Variants in TMPRSS3 observed in about 807,000 individuals in gnomAD.
The protein encoded by TMPRSS3 is transmembrane protease serine 3.
A neutral mutation model predicts 59.6 loss-of-function variants in TMPRSS3; 55 were observed. The ratio of observed to expected loss-of-function variants is 0.92; its 90% CI spans 0.74 to 1.16. TMPRSS3 has a LOEUF of 1.16. TMPRSS3 is among the 50% of genes most tolerant of loss of function. TMPRSS3 has a pLI of 0.00. For missense variants in TMPRSS3, 596 were observed against 579.4 expected (o/e 1.03, Z -0.29); for synonymous variants, 257 against 237.7 (o/e 1.08, Z -0.75).
chr21:42,388,590 G>A lies in TMPRSS3; in HGVS notation c.323-64C>T. On this transcript the variant is annotated intron_variant, in intron 4 of 12. Coordinates refer to ENST00000644384, the MANE Select transcript of TMPRSS3 (RefSeq NM_001256317.3). The surrounding 1 kb of genome is among the most constrained non-coding windows in gnomAD (Gnocchi z 5.1). ...GTGGAACCCTGAGACCATAGGCAGGGGTTTCTCCACAGCCAGCTCAAACCC... is the reference window on the plus strand; with the variant it reads ...GTGGAACCCTGAGACCATAGGCAGGAGTTTCTCCACAGCCAGCTCAAACCC... The A allele has an allele frequency of 1.2e-6, 2 of 1,612,356 alleles. No individual in the cohort carries two copies. Among genetic ancestry groups the A allele is most frequent in the Admixed American group, 3.3e-5 (2 of 60,000 alleles).
rs909862138 is a variant in TMPRSS3, at chr21:42,372,213, G to A, written c.*549C>T. 1.1e-5 allele frequency: 5 copies of A among 444,702 alleles called. No individual in the cohort carries two copies. The highest frequency in any genetic ancestry group is 2.0e-5 in the African/African-American group (1 of 49,612). The allele number at this position is 444,702 out of a possible 1,614,324, so 27.5% of individuals were successfully genotyped here. A position where few individuals can be genotyped will look rare whatever the true frequency, so the allele number is the denominator to read the frequency against. On this transcript the variant is annotated 3_prime_UTR_variant, in exon 13 of 13. Coordinates refer to ENST00000644384, the MANE Select transcript of TMPRSS3 (RefSeq NM_001256317.3). ...TGGAGAGAAAACCAGATGGACCAGT[G>A]GGAAAGGCCGCCCTTGCAAGTTGCT...
chr21:42,378,203 G>A (rs944596839), intron 10 of TMPRSS3, among the ~76,000 whole-genome samples: 2 of 152,272 alleles, frequency 1.3e-5, no homozygotes, highest in African/African-American at 4.8e-5. Flanking sequence ...CCCTCGGCCA[G>A]GTGGGCAGCA....
At chr21:42,390,083 T>C (rs767196585) in intron 2 of TMPRSS3, 46 bp from the exon 3 acceptor site, 1 of 1,374,780 alleles carries the variant, frequency 7.3e-7, no homozygotes, top group Non-Finnish European at 1.0e-6. Flanking sequence ...GAACCTGACT[T>C]GGAGTGCCAT....
chr21:42,388,411 AC>A lies in TMPRSS3; in HGVS notation c.437del (p.Gly146ValfsTer6). ...HYANVACAQLGFPSYVSSDNL... is the reference protein window; with the variant it reads ...HYANVACAQLXFPSYVSSDNL... The stretch of plus-strand genomic sequence containing the variant: ...AATGCTCTTTAACTTACCTTGGGAA[AC>A]CCAGTTGGGCACAGGCAACATTTGC... On this transcript the variant is annotated frameshift_variant, in exon 5 of 13. Coordinates refer to ENST00000644384, the MANE Select transcript of TMPRSS3 (RefSeq NM_001256317.3). LOFTEE classifies it high-confidence loss of function. This position sits in a 1 kb window ranked among gnomAD's most constrained non-coding sequence, Gnocchi z 5.1. 1.2e-6 allele frequency: 2 copies of A among 1,614,188 alleles called. No individual in the cohort carries two copies. The highest frequency in any genetic ancestry group is 4.5e-5 in the East Asian group (2 of 44,880).
chr21:42,383,114 A>G lies in TMPRSS3; in HGVS notation c.701T>C (p.Leu234Pro), dbSNP rs976762456. 4 of 1,614,074 alleles carry G rather than the reference A, an allele frequency of 2.5e-6. No homozygotes were observed. The African/African-American group carries it at 4.0e-5, about 16-fold the overall frequency. The change falls in exon 8 of 13, where the codon CTT becomes CCT. Residue 234 changes from leucine (L) to proline (P), a missense_variant. Physicochemically the swap from Leu to Pro is moderately conservative, Grantham distance 98. Coordinates refer to ENST00000644384, the MANE Select transcript of TMPRSS3 (RefSeq NM_001256317.3). ...GCACAGGTGGTAGCCCTGGAACTGA[A>G]GGCTGGCCTGCCAGGGCCACTGCGA... ...LLSQWPWQAS[L>P]QFQGYHLCGG...
chr21:42,383,963 C>T lies in TMPRSS3; in HGVS notation c.616+7G>A. 8 of 1,614,068 alleles carry T rather than the reference C, an allele frequency of 5.0e-6. No homozygotes were observed. In the South Asian group the frequency reaches 8.8e-5, roughly 18 times the overall value. On this transcript the variant is annotated splice_region_variant and intron_variant, in intron 7 of 12. Coordinates refer to ENST00000644384, the MANE Select transcript of TMPRSS3 (RefSeq NM_001256317.3). ...CCCCTGGACCCCTGCCTTTCTGGAA[C>T]TCTTACCTGTGCACTGCAAGGTAAC...
chr21:42,394,066 G>A (rs531298665), intron 2 of TMPRSS3, among the ~76,000 whole-genome samples: 20 of 152,184 alleles, frequency 1.3e-4, no homozygotes, highest in Admixed American at 5.9e-4. Flanking sequence ...TGATGCCGTC[G>A]TGGGTAATTT....
chr21:42,388,372 GC>G lies in TMPRSS3; in HGVS notation c.446+30del. On this transcript the variant is annotated intron_variant, in intron 5 of 12. Coordinates refer to ENST00000644384, the MANE Select transcript of TMPRSS3 (RefSeq NM_001256317.3). The surrounding 1 kb of genome is among the most constrained non-coding windows in gnomAD (Gnocchi z 5.1). ...TTTATTGTTATCCTCTCTGTGTTTT[GC>G]CCATGGGTTGGAAATGCTCTTTAAC... The G allele has an allele frequency of 6.2e-7, 1 of 1,614,144 alleles. No homozygotes were observed. Among genetic ancestry groups the G allele is most frequent in the Non-Finnish European group, 8.5e-7 (1 of 1,179,998 alleles).
Position 42,375,757 on chromosome 21 carries a change from G to C in TMPRSS3, c.1303C>G (p.Arg435Gly), listed in dbSNP as rs565348874. ...AEVNKPGVYT[R>G]VTSFLDWIHE... ...ATCCAGTCCAGGAAGGAGGTGACAC[G>C]GGTGTACACCCCAGGCTTGTTCACC... Residue 435 changes from arginine (R) to glycine (G), a missense_variant, in exon 12 of 13, where the codon CGT (arginine) becomes GGT (glycine). By Grantham distance (125) the Arg-to-Gly change is moderately radical. Coordinates refer to ENST00000644384, the MANE Select transcript of TMPRSS3 (RefSeq NM_001256317.3). 6 of 1,613,612 alleles carry C rather than the reference G, an allele frequency of 3.7e-6. No homozygotes were observed. The highest frequency in any genetic ancestry group is 1.7e-5 in the Admixed American group (1 of 59,998).
chr21:42,391,068 G>A (rs1412452857), intron 2 of TMPRSS3, among the ~76,000 whole-genome samples: 1 of 152,186 alleles, frequency 6.6e-6, no homozygotes, highest in African/African-American at 2.4e-5. Flanking sequence ...ACACTAAGAT[G>A]GAGGGGAAGT....
chr21:42,375,526 T>G (rs1400459024), intron 12 of TMPRSS3, among the ~76,000 whole-genome samples, 190 bp downstream of exon 12: 1 of 151,980 alleles, frequency 6.6e-6, no homozygotes, highest in Non-Finnish European at 1.5e-5. Flanking sequence ...CACCCAGAGC[T>G]GCCCAGGACT....
intron 5 of TMPRSS3, among the ~76,000 whole-genome samples, chr21:42,385,807 G>T (rs1382319736): frequency 6.6e-6 from 1 of 152,214 alleles, no homozygotes; most frequent in East Asian, 1.9e-4. Flanking sequence ...CACACAGTGA[G>T]TGACCATCTC....
intron 10 of TMPRSS3, among the ~76,000 whole-genome samples, chr21:42,378,018 C>A (rs867077635): frequency 6.6e-6 from 1 of 152,198 alleles, no homozygotes; most frequent in Non-Finnish European, 1.5e-5. Context: ...GCTGGTTGGT[C>A]CGGAATGAGA....
chr21:42,382,426 C>G (rs917719383), intron 8 of TMPRSS3, 192 bp from the exon 9 acceptor site: 2 of 628,066 alleles, frequency 3.2e-6, no homozygotes, highest in East Asian at 2.9e-5. Flanking sequence ...ACCCACACCC[C>G]ATGTGTTTCC....
chr21:42,393,421 G>A (rs2839505), intron 2 of TMPRSS3, among the ~76,000 whole-genome samples: 7,919 of 152,222 alleles, frequency 0.052, 343 homozygotes, highest in South Asian at 0.17. Context: ...CTTAGACACC[G>A]GAAAGCTCAA....
chr21:42,387,371 AGTGT>A (rs59669731), intron 5 of TMPRSS3, among the ~76,000 whole-genome samples: 10 of 147,084 alleles, frequency 6.8e-5, no homozygotes, highest in African/African-American at 1.5e-4. Context: ...AGCTGTGTGC[AGTGT>A]GTGTGTGTGT....
At position 42,388,637 on chromosome 21, in the gene TMPRSS3, A is replaced by G; in HGVS notation, c.323-111T>C. ...ACCCCTCCTCTGCCAAATCTGACCCACTTCTTGTCCACGGCAGCCTCCCCA... is the reference window on the plus strand; with the variant it reads ...ACCCCTCCTCTGCCAAATCTGACCCGCTTCTTGTCCACGGCAGCCTCCCCA... On this transcript the variant is annotated intron_variant, in intron 4 of 12. Transcript: ENST00000644384. This position sits in a 1 kb window ranked among gnomAD's most constrained non-coding sequence, Gnocchi z 5.1. The G allele has an allele frequency of 6.6e-7, 1 of 1,511,260 alleles. No individual in the cohort carries two copies. Among genetic ancestry groups the G allele is most frequent in the Non-Finnish European group, 9.1e-7 (1 of 1,094,116 alleles). The allele number at this position is 1,511,260 out of a possible 1,614,324, so 93.6% of individuals were successfully genotyped here. A position where few individuals can be genotyped will look rare whatever the true frequency, so the allele number is the denominator to read the frequency against.
intron 12 of TMPRSS3, among the ~76,000 whole-genome samples, chr21:42,374,171 G>A (rs7278013): frequency 2.6e-5 from 4 of 152,308 alleles, no homozygotes; most frequent in South Asian, 2.1e-4. Flanking sequence ...CAGTGCGGGC[G>A]GGCTGGGCTG....
At chr21:42,374,000 T>C (rs983648664) in intron 12 of TMPRSS3, among the ~76,000 whole-genome samples, 5 of 152,184 alleles carry the variant, frequency 3.3e-5, no homozygotes, top group Non-Finnish European at 7.4e-5. Flanking sequence ...CTGTGTCCCG[T>C]GAAGGCCTCC....
Sources: allele counts gnomAD v4.1 joint callset (sites outside exome capture counted in the v4.1 genomes callset), GRCh38; gene constraint gnomAD v4.1.1; non-coding constraint Gnocchi (gnomAD v3.1); transcripts MANE v1.5; gene names NCBI Gene and HGNC (gene_info 2026-07-23, HGNC 2026-07-21).